Variants in RBFOX1 observed in about 807,000 individuals in gnomAD.
RBFOX1 encodes the protein RNA binding fox-1 homolog 1.
A neutral mutation model predicts 57.7 loss-of-function variants in RBFOX1; 8 were observed. That is an observed-to-expected ratio of 0.14 (90% CI 0.08 to 0.25). RBFOX1 has a LOEUF of 0.25. RBFOX1 is among the 10% of genes least tolerant of loss of function. The pLI is 1.00. For missense variants in RBFOX1, 611 were observed against 548.5 expected (o/e 1.11, Z -1.14); for synonymous variants, 326 against 222.4 (o/e 1.47, Z -4.15).
At chr16:6,317,991 G>A (rs987692226) in intron 2 of RBFOX1, among the ~76,000 whole-genome samples, 2 of 152,160 alleles carry the variant, frequency 1.3e-5, no homozygotes, top group African/African-American at 4.8e-5. Context: ...TGTCATAAAG[G>A]AGCAGGTAGA....
chr16:6,563,531 G>C (rs904915196), intron 2 of RBFOX1, among the ~76,000 whole-genome samples: 1 of 152,088 alleles, frequency 6.6e-6, no homozygotes, highest in East Asian at 1.9e-4. Flanking sequence ...AAAATACTAT[G>C]GTCAGGAGTT....
chr16:6,308,967 C>G (rs7201177), intron 1 of RBFOX1, among the ~76,000 whole-genome samples: 110,136 of 151,664 alleles, frequency 0.73, 40,654 homozygotes, highest in African/African-American at 0.81. Flanking sequence ...CTCTCTGCTT[C>G]TACAAGAATA....
chr16:7,100,559 A>G (rs2062503441), intron 4 of RBFOX1, among the ~76,000 whole-genome samples: 1 of 134,618 alleles, frequency 7.4e-6, no homozygotes, highest in East Asian at 2.2e-4. Context: ...TGGGTTTTTA[A>G]AGGTTGTTTT....
intron 4 of RBFOX1, among the ~76,000 whole-genome samples, chr16:7,313,878 C>T (rs923523230): frequency 6.6e-6 from 1 of 152,138 alleles, no homozygotes; most frequent in Non-Finnish European, 1.5e-5. Context: ...CTGTGCCGGC[C>T]AGTGGCTGGT....
In RBFOX1 at chr16:6,244,698, C is replaced by T. The variant is rs929444626; in HGVS notation, c.-126-72297C>T. Among the ~76,000 whole-genome samples the T allele has an allele frequency of 8.5e-5, 13 of 152,160 alleles. No homozygotes were observed. The East Asian group carries it at 9.7e-4, about 11-fold the overall frequency. On this transcript the variant is annotated intron_variant, in intron 1 of 15. Transcript: ENST00000550418. ...CTAATTATTGTATTTTTAGTAGAGA[C>T]GGGATTTCACCATGTTGGCTAGGCT...
rs2098114326 is a variant in RBFOX1, at chr16:6,614,369, T to A, written c.-63-40234T>A. Among the ~76,000 whole-genome samples the A allele has an allele frequency of 2.0e-5, 3 of 152,296 alleles. No individual in the cohort carries two copies. The South Asian group carries it at 6.2e-4, about 32-fold the overall frequency. ...GGTATGAAGAATTAACATCCCTGAT[T>A]TTTCTTTTAGAAAGAATATTGGTAT... On this transcript the variant is annotated intron_variant, in intron 2 of 15. Coordinates refer to ENST00000550418, the MANE Select transcript of RBFOX1 (RefSeq NM_018723.4).
intron 3 of RBFOX1, among the ~76,000 whole-genome samples, chr16:6,978,583 C>A (rs892447150): frequency 6.6e-6 from 1 of 152,148 alleles, no homozygotes; most frequent in Non-Finnish European, 1.5e-5. Context: ...TTTCTATATT[C>A]TGGGTATTAC....
Position 6,831,448 on chromosome 16 carries a change from C to T in RBFOX1, c.-16+176798C>T, listed in dbSNP as rs750054432. Reference sequence around the variant, plus strand: ...AACATATTTAACCACATAATTATACCTCAGCAAACCCTCCAACCAAATGCC... The same window carrying T: ...AACATATTTAACCACATAATTATACTTCAGCAAACCCTCCAACCAAATGCC... On this transcript the variant is annotated intron_variant, in intron 3 of 15. Coordinates refer to ENST00000550418, the MANE Select transcript of RBFOX1 (RefSeq NM_018723.4). Among the ~76,000 whole-genome samples the T allele has an allele frequency of 1.4e-4, 21 of 152,266 alleles. No homozygotes were observed. In the East Asian group the frequency reaches 4.1e-3, roughly 29 times the overall value.
chr16:6,834,725 C>G (rs926795579), intron 3 of RBFOX1, among the ~76,000 whole-genome samples: 3 of 152,050 alleles, frequency 2.0e-5, no homozygotes, highest in Non-Finnish European at 2.9e-5. Flanking sequence ...GTTAAGCGTC[C>G]TCTCTGACCT....
intron 1 of RBFOX1, among the ~76,000 whole-genome samples, chr16:6,076,157 G>T (rs955265604): frequency 1.3e-5 from 2 of 152,004 alleles, no homozygotes; most frequent in African/African-American, 4.8e-5. Context: ...AATTAGCCAG[G>T]TGTGGTGGTG....
intron 3 of RBFOX1, among the ~76,000 whole-genome samples, chr16:6,764,437 G>T (rs151125114): frequency 1.5e-4 from 23 of 152,292 alleles, no homozygotes; most frequent in African/African-American, 5.5e-4. Context: ...ATGCAGGTTA[G>T]CTTGATGAGC....
chr16:7,625,995 C>T (rs996404131), intron 10 of RBFOX1, among the ~76,000 whole-genome samples: 4 of 152,102 alleles, frequency 2.6e-5, no homozygotes, highest in African/African-American at 9.7e-5. Context: ...TTACACAACA[C>T]AATTTTAAAA....
intron 1 of RBFOX1, among the ~76,000 whole-genome samples, chr16:5,457,105 C>A (rs1037234903): frequency 9.2e-5 from 14 of 152,232 alleles, no homozygotes; most frequent in Middle Eastern, 3.4e-3. Context: ...TCACTGTGTC[C>A]TCACATGGTG....
At chr16:5,671,245 G>T (rs2050004023) in intron 3 of RBFOX1, among the ~76,000 whole-genome samples, 1 of 152,222 alleles carries the variant, frequency 6.6e-6, no homozygotes. Context: ...GAGAATAAAA[G>T]AGCTGGGAGT....
chr16:7,649,583 G>T (rs1228006602), intron 11 of RBFOX1, among the ~76,000 whole-genome samples: 1 of 152,178 alleles, frequency 6.6e-6, no homozygotes. Flanking sequence ...ATTCTGAGCA[G>T]GTCACTTTGT....
chr16:6,543,894 C>T (rs915273043), intron 2 of RBFOX1, among the ~76,000 whole-genome samples: 10 of 151,894 alleles, frequency 6.6e-5, no homozygotes, highest in Non-Finnish European at 1.2e-4. Flanking sequence ...AAGGATAACA[C>T]GAGATAGAAA....
chr16:7,546,194 G>T (rs556267764), intron 5 of RBFOX1, among the ~76,000 whole-genome samples: 2 of 151,948 alleles, frequency 1.3e-5, no homozygotes, highest in Non-Finnish European at 2.9e-5. Flanking sequence ...AGGCATGGTG[G>T]CACGGGCCAG....
At position 5,827,850 on chromosome 16, in the gene RBFOX1, C is replaced by T. The variant is rs553468637; in HGVS notation, c.319-39453C>T. On this transcript the variant is annotated intron_variant, in intron 3 of 19. Transcript: ENST00000641259. ...CCACCTGGCCATCCATCCATCCACC[C>T]ACCCACTCATCCAGGCTTTTGTCCA... Among the ~76,000 whole-genome samples the T allele has an allele frequency of 1.1e-4, 17 of 152,004 alleles. No homozygotes were observed. In the South Asian group the frequency reaches 3.3e-3, roughly 30 times the overall value.
chr16:6,422,700 G>A (rs928915400), intron 2 of RBFOX1, among the ~76,000 whole-genome samples: 1 of 152,060 alleles, frequency 6.6e-6, no homozygotes, highest in African/African-American at 2.4e-5. Flanking sequence ...TTAAACAACC[G>A]GATCTCAGGG....
Sources: gnomAD v4.1 joint callset for allele counts (sites outside exome capture counted in the v4.1 genomes callset) on GRCh38, gnomAD v4.1.1 for gene constraint, MANE v1.5 for transcripts, NCBI Gene and HGNC (gene_info 2026-07-23, HGNC 2026-07-21) for gene names.